Variants in SLC38A10 observed in about 807,000 individuals in gnomAD.
The protein encoded by SLC38A10 is Sodium-coupled neutral amino acid transporter 10.
Under a neutral mutation model 81.0 loss-of-function variants are expected in SLC38A10, and 53 were observed. The ratio of observed to expected loss-of-function variants is 0.65; its 90% CI spans 0.53 to 0.82. The LOEUF (loss-of-function observed/expected upper bound fraction) is 0.82, where lower values mean the gene tolerates loss of function less well. Ranked by LOEUF, SLC38A10 falls within the 40% of genes least tolerant of loss-of-function variation. The pLI is 0.00. For synonymous variants in SLC38A10, 665 were observed against 655.3 expected, an observed-to-expected ratio of 1.01 and a Z score of -0.23; for missense variants, 1,471 against 1,545.0, an observed-to-expected ratio of 0.95 and a Z score of 0.80.
chr17:81,257,088 AC>A (rs1465492593), intron 11 of SLC38A10, among the ~76,000 whole-genome samples: 1 of 151,972 alleles, frequency 6.6e-6, no homozygotes, highest in Non-Finnish European at 1.5e-5. Flanking sequence ...GGACAACGCC[AC>A]CCTGCTGGAG....
rs765923775 is a variant in SLC38A10, at chr17:81,277,530, CCCATCTCGGCGCCT to C, written c.627-411_627-398del. ...AACACACCCTGGCCTGGGCGGCCGG[CCCATCTCGGCGCCT>C]CCATCTCGGCGCCTCCGCACAGGCA... On this transcript the variant is annotated intron_variant, in intron 6 of 15. Coordinates refer to ENST00000374759, the MANE Select transcript of SLC38A10 (RefSeq NM_001037984.3). The surrounding 1 kb of genome is among the most constrained non-coding windows in gnomAD (Gnocchi z 4.5). Among the ~76,000 whole-genome samples the C allele has an allele frequency of 3.0e-4, 46 of 152,358 alleles. No homozygotes were observed. Among genetic ancestry groups the C allele is most frequent in the Admixed American group, 3.9e-4 (6 of 15,312 alleles).
chr17:81,269,103 A>T (rs2063093477), intron 10 of SLC38A10, among the ~76,000 whole-genome samples: 1 of 152,278 alleles, frequency 6.6e-6, no homozygotes. Flanking sequence ...GCTCCTAATA[A>T]CATGGCTTCA....
rs753813090 is a variant in SLC38A10 at position 81,294,871 on chromosome 17, G to A, written c.51C>T (p.Asn17=). 1 of 1,598,310 alleles carries A rather than the reference G, an allele frequency of 6.3e-7. No individual in the cohort carries two copies. The highest frequency in any genetic ancestry group is 8.5e-7 in the Non-Finnish European group (1 of 1,173,694). The change falls in exon 1 of 16, where the codon AAC becomes AAT. Residue 17 remains asparagine (N), a synonymous_variant. Transcript: ENST00000374759. ...SNWGLITNIV[N]SIVGVSVLTM... ...TGAGGACACTGACCCCTACGATGCT[G>A]TTCACGATGTTCGTGATCAGCCCCC... is the stretch of plus-strand genomic sequence containing the variant.
chr17:81,251,521 AC>A lies in SLC38A10; in HGVS notation c.2036del (p.Gly679ValfsTer26). On this transcript the variant is annotated frameshift_variant, in exon 14 of 16. Coordinates refer to ENST00000374759, the MANE Select transcript of SLC38A10 (RefSeq NM_001037984.3). LOFTEE classifies it high-confidence loss of function. ...PREQRDVERAGGNQAASQLEE... is the reference protein window; with the variant it reads ...PREQRDVERAXGNQAASQLEE... ...CCAGCTGGCTGGCCGCCTGGTTTCCACCCGCTCGCTCCACGTCCCTCTGCTC... is the reference window on the plus strand; with the variant it reads ...CCAGCTGGCTGGCCGCCTGGTTTCCACCGCTCGCTCCACGTCCCTCTGCTC... 1 of 1,597,234 alleles carries A rather than the reference AC, an allele frequency of 6.3e-7. No individual in the cohort carries two copies. The highest frequency in any genetic ancestry group is 8.5e-7 in the Non-Finnish European group (1 of 1,175,110).
intron 10 of SLC38A10, among the ~76,000 whole-genome samples, chr17:81,266,018 G>A (rs2063067286): frequency 6.6e-6 from 1 of 152,208 alleles, no homozygotes. Flanking sequence ...CCAATTCTGT[G>A]TGTGTCTACA....
intron 11 of SLC38A10, among the ~76,000 whole-genome samples, chr17:81,257,217 TC>T (rs2062981152): frequency 6.6e-6 from 1 of 152,108 alleles, no homozygotes; most frequent in Non-Finnish European, 1.5e-5. Context: ...CCTTCCAGGC[TC>T]AAGCGATCCT....
intron 1 of SLC38A10, among the ~76,000 whole-genome samples, chr17:81,293,822 C>T (rs2063328137): frequency 6.6e-6 from 1 of 152,202 alleles, no homozygotes; most frequent in South Asian, 2.1e-4. Context: ...TTTCTACCTA[C>T]TTGGTAACGT....
chr17:81,291,493 A>G (rs1395655057), intron 1 of SLC38A10, among the ~76,000 whole-genome samples: 4 of 152,008 alleles, frequency 2.6e-5, no homozygotes, highest in Admixed American at 2.6e-4. Flanking sequence ...TCTCAAAAAA[A>G]AAAAAAAAAA....
rs540219443 is a variant in SLC38A10 at position 81,286,580 on chromosome 17, G to A, written c.218-1685C>T. On this transcript the variant is annotated intron_variant, in intron 2 of 15. Transcript: ENST00000374759. This position sits in a 1 kb window ranked among gnomAD's most constrained non-coding sequence, Gnocchi z 6.0. ...GAGAAAGGGAGGAAGAGGCTGAAGC[G>A]CCCAGCAAGGTCCCGGGGACCCAGC... 7.9e-5 allele frequency among the ~76,000 whole-genome samples: 12 copies of A among 152,318 alleles called. No individual in the cohort carries two copies. Among genetic ancestry groups the A allele is most frequent in the Middle Eastern group, 3.4e-3 (1 of 294 alleles).
At chr17:81,256,044 C>T (rs571439277) in intron 11 of SLC38A10, among the ~76,000 whole-genome samples, 12 of 152,342 alleles carry the variant, frequency 7.9e-5, no homozygotes, top group East Asian at 7.7e-4. Flanking sequence ...GCACGTGGTG[C>T]CAGGAATGCT....
intron 1 of SLC38A10, among the ~76,000 whole-genome samples, chr17:81,290,073 C>T (rs868134844): frequency 3.3e-5 from 5 of 152,228 alleles, no homozygotes; most frequent in African/African-American, 7.2e-5. Flanking sequence ...TCATGGACAG[C>T]GGGGTGCTGC....
rs760953521 is a variant in SLC38A10 at position 81,246,030 on chromosome 17, C to A, written c.2886G>T (p.Arg962=). The A allele has an allele frequency of 1.9e-6, 3 of 1,610,504 alleles. No homozygotes were observed. Among genetic ancestry groups the A allele is most frequent in the Admixed American group, 3.3e-5 (2 of 59,926 alleles). ...CACCCTGCTCGCCATCAGAGATGAC[C>A]CGCAGTTCCGGCTGGCGTAACACAG... ...PQAVLRQPEL[R]VISDGEQGGQ... is the part of the protein sequence containing the mutation. Residue 962 remains arginine, a synonymous_variant, in exon 16 of 16, where the codon CGG becomes CGT. Coordinates refer to ENST00000374759, the MANE Select transcript of SLC38A10 (RefSeq NM_001037984.3).
At chr17:81,252,089 G>A in intron 13 of SLC38A10, 106 bp downstream of exon 13, 1 of 1,434,572 alleles carries the variant, frequency 7.0e-7, no homozygotes, top group Non-Finnish European at 9.2e-7. Context: ...GGTGCAGGGA[G>A]AGAGACTGGG....
chr17:81,278,624 C>T lies in SLC38A10; in HGVS notation c.627-1491G>A, dbSNP rs540517762. 2.6e-5 allele frequency among the ~76,000 whole-genome samples: 4 copies of T among 152,306 alleles called. No individual in the cohort carries two copies. In the South Asian group the frequency reaches 8.3e-4, roughly 32 times the overall value. On this transcript the variant is annotated intron_variant, in intron 6 of 15. Coordinates refer to ENST00000374759, the MANE Select transcript of SLC38A10 (RefSeq NM_001037984.3). Reference sequence around the variant, plus strand: ...GAGGCTGGCAGAGAATCAGGAGAAACACCCAAGAGGTCTCCACGGCCCTAG... The same window carrying T: ...GAGGCTGGCAGAGAATCAGGAGAAATACCCAAGAGGTCTCCACGGCCCTAG...
chr17:81,282,722 C>T lies in SLC38A10; in HGVS notation c.358-390G>A, dbSNP rs183861980. ...AAAGCTCTAGCTACAAAGGCCACTA[C>T]GAAGCACGGAAAACGGAAGGTCGAA... On this transcript the variant is annotated intron_variant, in intron 4 of 15. Transcript: ENST00000374759. Among the ~76,000 whole-genome samples, 345 of 152,294 alleles carry T rather than the reference C, an allele frequency of 2.3e-3. 4 individuals are homozygous for T. Among genetic ancestry groups the T allele is most frequent in the African/African-American group, 7.8e-3 (325 of 41,564 alleles).
rs1054316452 is a variant in SLC38A10 at position 81,270,618 on chromosome 17, T to C, written c.1131+300A>G. Among the ~76,000 whole-genome samples, 1 of 152,056 alleles carries C rather than the reference T, an allele frequency of 6.6e-6. No individual in the cohort carries two copies. The highest frequency in any genetic ancestry group is 1.5e-5 in the Non-Finnish European group (1 of 67,986). On this transcript the variant is annotated intron_variant, in intron 10 of 15. Coordinates refer to ENST00000374759, the MANE Select transcript of SLC38A10 (RefSeq NM_001037984.3). This position sits in a 1 kb window ranked among gnomAD's most constrained non-coding sequence, Gnocchi z 4.0. ...GGACTCAGAGGTGGCAGCAGGTCCA[T>C]GGGCAATCAGGCATCGCAGAAACAC...
intron 14 of SLC38A10, among the ~76,000 whole-genome samples, chr17:81,248,653 G>C (rs757547869): frequency 6.6e-6 from 1 of 152,396 alleles, no homozygotes; most frequent in Non-Finnish European, 1.5e-5. Flanking sequence ...TGAGTGGTGA[G>C]AGCAAATATC....
intron 13 of SLC38A10, chr17:81,251,859 T>C (rs2062918098): frequency 9.7e-6 from 5 of 514,194 alleles, no homozygotes; most frequent in East Asian, 9.7e-5. Context: ...ATGCAAGAAC[T>C]GTCCTAAGCA....
chr17:81,259,709 C>A (rs1391680731), intron 11 of SLC38A10, among the ~76,000 whole-genome samples: 1 of 152,214 alleles, frequency 6.6e-6, no homozygotes, highest in Non-Finnish European at 1.5e-5. Context: ...GACTCTGCCA[C>A]AGACGGAGGG....
Sources: gnomAD v4.1 joint callset for allele counts (sites outside exome capture counted in the v4.1 genomes callset) on GRCh38, gnomAD v4.1.1 for gene constraint, Gnocchi (gnomAD v3.1) non-coding constraint, MANE v1.5 for transcripts, NCBI Gene and HGNC (gene_info 2026-07-23, HGNC 2026-07-21) for gene names.